SGK3: variants seen among roughly 807,000 people sequenced by gnomAD.
The protein encoded by SGK3 is serum/glucocorticoid regulated kinase family member 3.
Under a neutral mutation model 68.5 loss-of-function variants are expected in SGK3, and 47 were observed. That is an observed-to-expected ratio of 0.69 (90% CI 0.54 to 0.87). The LOEUF (loss-of-function observed/expected upper bound fraction) is 0.87. Among genes scored for constraint, SGK3 ranks in the 40% least tolerant of loss-of-function variants. The probability of loss-of-function intolerance (pLI) is 0.00; values close to 1 mark genes in which losing one functional copy is unlikely to be tolerated. For synonymous variants in SGK3, 181 were observed against 189.1 expected, an observed-to-expected ratio of 0.96 and a Z score of 0.35; for missense variants, 479 against 575.5, an observed-to-expected ratio of 0.83 and a Z score of 1.72.
At chr8:66,766,932 A>G (rs980420725) in intron 1 of SGK3, among the ~76,000 whole-genome samples, 3 of 152,162 alleles carry the variant, frequency 2.0e-5, no homozygotes, top group Non-Finnish European at 4.4e-5. Context: ...GCCCACCGCA[A>G]TCTCTGCCTC....
chr8:66,849,008 T>C (rs911033651), intron 15 of SGK3, among the ~76,000 whole-genome samples: 2 of 152,186 alleles, frequency 1.3e-5, no homozygotes, highest in Non-Finnish European at 2.9e-5. Context: ...ATCTCAGGCT[T>C]TTCTTTCTGT....
At chr8:66,831,714 T>G (rs1003338845) in intron 8 of SGK3, among the ~76,000 whole-genome samples, 1 of 152,162 alleles carries the variant, frequency 6.6e-6, no homozygotes, top group Admixed American at 6.5e-5. Context: ...GCCACAGGAC[T>G]TTTTGGTTTC....
intron 2 of SGK3, among the ~76,000 whole-genome samples, chr8:66,795,737 G>A (rs987814411): frequency 2.6e-5 from 4 of 152,014 alleles, no homozygotes; most frequent in South Asian, 2.1e-4. Context: ...CACCTTATTC[G>A]TTTACTTCCT....
At chr8:66,746,865 A>AT (rs1190862080) in intron 1 of SGK3, among the ~76,000 whole-genome samples, 1 of 151,948 alleles carries the variant, frequency 6.6e-6, no homozygotes, top group Non-Finnish European at 1.5e-5. Context: ...GGGCCTAAAA[A>AT]ATATATATTT....
At chr8:66,811,782 A>T (rs932763272) in intron 4 of SGK3, among the ~76,000 whole-genome samples, 1 of 152,248 alleles carries the variant, frequency 6.6e-6, no homozygotes, top group Non-Finnish European at 1.5e-5. Flanking sequence ...TTTTCTTTGA[A>T]TATCCTAAAT....
chr8:66,830,088 T>G (rs894928252), intron 7 of SGK3, among the ~76,000 whole-genome samples: 2 of 152,002 alleles, frequency 1.3e-5, no homozygotes, highest in Non-Finnish European at 2.9e-5. Flanking sequence ...ACTCCTGATC[T>G]CAGGTGATCT....
intron 1 of SGK3, among the ~76,000 whole-genome samples, chr8:66,769,795 C>T (rs1806448932): frequency 6.6e-6 from 1 of 151,992 alleles, no homozygotes; most frequent in Non-Finnish European, 1.5e-5. Context: ...TGGTCTTGAA[C>T]TCCTGAAATG....
intron 4 of SGK3, among the ~76,000 whole-genome samples, chr8:66,813,506 T>C (rs73693605): frequency 0.025 from 3,748 of 152,104 alleles, 156 homozygotes; most frequent in African/African-American, 0.084. Flanking sequence ...TATTCATTGT[T>C]TGGTAGTACG....
intron 5 of SGK3, among the ~76,000 whole-genome samples, chr8:66,817,518 A>G (rs1424609243): frequency 6.6e-6 from 1 of 151,512 alleles, no homozygotes; most frequent in Non-Finnish European, 1.5e-5. Context: ...ACACCTGGCT[A>G]ATTTTTGTAT....
chr8:66,751,219 G>A (rs375056276), intron 1 of SGK3, among the ~76,000 whole-genome samples: 85 of 152,152 alleles, frequency 5.6e-4, no homozygotes, highest in Admixed American at 1.6e-3. Context: ...GGAGAATGGC[G>A]TGAAAAAAAG....
intron 1 of SGK3, among the ~76,000 whole-genome samples, chr8:66,730,433 A>G (rs192401006): frequency 1.3e-5 from 2 of 152,106 alleles, no homozygotes; most frequent in Non-Finnish European, 2.9e-5. Context: ...TTGGAGCACA[A>G]AAGTTTTAAT....
At chr8:66,752,709 G>C (rs1241065666) in intron 1 of SGK3, among the ~76,000 whole-genome samples, 1 of 152,096 alleles carries the variant, frequency 6.6e-6, no homozygotes, top group Admixed American at 6.6e-5. Flanking sequence ...AAGGGGGCCA[G>C]GTGCTTATCC....
At chr8:66,728,542 G>A (rs1805044787) in intron 1 of SGK3, among the ~76,000 whole-genome samples, 1 of 151,996 alleles carries the variant, frequency 6.6e-6, no homozygotes, top group African/African-American at 2.4e-5. Context: ...GGCCAGGTTG[G>A]TCTCGAACTC....
At chr8:66,850,292 G>C (rs940243862) in intron 15 of SGK3, among the ~76,000 whole-genome samples, 24 of 152,144 alleles carry the variant, frequency 1.6e-4, no homozygotes, top group Admixed American at 1.5e-3. Flanking sequence ...ATACACTCCT[G>C]TGGCACCTTG....
At chr8:66,723,450 GAAAAGAA>G (rs953002454) in intron 1 of SGK3, among the ~76,000 whole-genome samples, 5 of 151,314 alleles carry the variant, frequency 3.3e-5, no homozygotes, top group Admixed American at 6.6e-5. Flanking sequence ...GTCTCAGAAA[GAAAAGAA>G]AAAAGAAAAA....
At chr8:66,816,797 A>G (rs886568839) in intron 5 of SGK3, among the ~76,000 whole-genome samples, 2 of 151,856 alleles carry the variant, frequency 1.3e-5, no homozygotes, top group Non-Finnish European at 2.9e-5. Flanking sequence ...CCTCCTATAT[A>G]CCTGTTATTA....
In SGK3 at chr8:66,840,028, G is replaced by A. The variant is rs913845064; in HGVS notation, c.767G>A (p.Arg256Gln). The A allele has an allele frequency of 1.2e-6, 2 of 1,610,950 alleles. No homozygotes were observed. Among genetic ancestry groups the A allele is most frequent in the Non-Finnish European group, 8.5e-7 (1 of 1,178,644 alleles). Residue 256 changes from arginine (R) to glutamine (Q), a missense_variant, in exon 11 of 17, where the codon CGG (arginine) becomes CAG (glutamine). Around this residue, in one of 3 missense-constraint regions of SGK3, gnomAD observed 298 missense variants for 329.4 expected, o/e 0.90. Transcript: ENST00000521198. ...GELFFHLQRE[R>Q]SFPEHRARFY... The stretch of plus-strand genomic sequence containing the variant: ...CTTTTTTTCCACTTACAAAGAGAAC[G>A]GTCCTTTCCTGAGCACAGAGCTAGG...
At chr8:66,800,062 C>T (rs1184800486) in intron 3 of SGK3, among the ~76,000 whole-genome samples, 2 of 152,094 alleles carry the variant, frequency 1.3e-5, no homozygotes, top group Non-Finnish European at 2.9e-5. Flanking sequence ...GAATTTTGGG[C>T]CAGGCACGGT....
intron 8 of SGK3, 61 bp from the exon 9 acceptor site, chr8:66,835,702 G>A: frequency 1.3e-6 from 2 of 1,535,670 alleles, no homozygotes; most frequent in Admixed American, 4.0e-5. Flanking sequence ...GTTGACAAGT[G>A]AATTATTTCT....
Sources: gnomAD v4.1 joint callset for allele counts (sites outside exome capture counted in the v4.1 genomes callset) on GRCh38, gnomAD v4.1.1 for gene constraint, gnomAD v4.1.1 regional missense constraint, MANE v1.5 for transcripts, NCBI Gene and HGNC (gene_info 2026-07-23, HGNC 2026-07-21) for gene names.